HMCN2: variants seen among roughly 807,000 people sequenced by gnomAD.
HMCN2 encodes hemicentin-2.
In HMCN2, 325 loss-of-function variants were observed where a neutral mutation model predicts 377.5. The observed-to-expected ratio is 0.86, with a 90% CI of 0.79 to 0.94. HMCN2 has a LOEUF of 0.94. Ranked by LOEUF, HMCN2 falls within the 40% of genes least tolerant of loss-of-function variation. HMCN2 has a pLI of 0.00. For synonymous variants in HMCN2, 2,007 were observed against 2,046.8 expected (o/e 0.98, Z 0.53); for missense variants, 4,543 against 4,725.3 (o/e 0.96, Z 1.13).
Position 130,371,026 on chromosome 9 carries a change from C to T in HMCN2, c.7132C>T (p.Pro2378Ser). The change falls in exon 46 of 98, where the codon CCC becomes TCC. Residue 2378 changes from proline to serine, a missense_variant. Coordinates refer to ENST00000683500, the MANE Select transcript of HMCN2 (RefSeq NM_001291815.2). ...CAACATCACTGCTGCCTTGCACAGCCCCTTAACTCTGCTCTGTGAAGCCAT... is the reference window on the plus strand; with the variant it reads ...CAACATCACTGCTGCCTTGCACAGCTCCTTAACTCTGCTCTGTGAAGCCAT... ...LTNITAALHS[P>S]LTLLCEAMGI... 1 of 985,952 alleles carries T rather than the reference C, an allele frequency of 1.0e-6. No homozygotes were observed. Among genetic ancestry groups the T allele is most frequent in the Non-Finnish European group, 1.2e-6 (1 of 830,026 alleles). The allele number at this position is 985,952 out of a possible 1,614,324, so 61.1% of individuals were successfully genotyped here. A position where few individuals can be genotyped will look rare whatever the true frequency, so the allele number is the denominator to read the frequency against.
chr9:130,281,539 A>C (rs1554925705), intron 1 of HMCN2, among the ~76,000 whole-genome samples: 2 of 152,072 alleles, frequency 1.3e-5, no homozygotes, highest in East Asian at 3.9e-4. Flanking sequence ...TGGAGGTTGC[A>C]GTGAGCCAGG....
At chr9:130,342,988 T>C (rs1839141680) in intron 25 of HMCN2, among the ~76,000 whole-genome samples, 1 of 152,208 alleles carries the variant, frequency 6.6e-6, no homozygotes, top group East Asian at 1.9e-4. Context: ...CAGGACAGTT[T>C]CTATCTCCTT....
intron 54 of HMCN2, among the ~76,000 whole-genome samples, chr9:130,381,191 A>G (rs952124248): frequency 6.6e-6 from 1 of 152,054 alleles, no homozygotes; most frequent in Non-Finnish European, 1.5e-5. Flanking sequence ...ACTGACCCCT[A>G]CAATGCCACT....
At chr9:130,420,793 T>C (rs2131795919) in intron 86 of HMCN2, among the ~76,000 whole-genome samples, 1 of 152,280 alleles carries the variant, frequency 6.6e-6, no homozygotes, top group Middle Eastern at 3.4e-3. Flanking sequence ...TGACTTACTC[T>C]ATAAAGACCC....
intron 96 of HMCN2, among the ~76,000 whole-genome samples, chr9:130,431,840 G>A (rs544783338): frequency 6.6e-6 from 1 of 152,342 alleles, no homozygotes; most frequent in South Asian, 2.1e-4. Context: ...AGATAGCTGG[G>A]ATGAGAGCTG....
At chr9:130,363,894 A>T (rs7023641) in intron 40 of HMCN2, among the ~76,000 whole-genome samples, 52,990 of 124,496 alleles carry the variant, frequency 0.43, 10,325 homozygotes, top group East Asian at 0.58. Flanking sequence ...GGAAGGAAGG[A>T]GAGAGGGAGA....
chr9:130,397,796 T>C (rs977112075), intron 74 of HMCN2, 141 bp downstream of exon 74: 3 of 716,064 alleles, frequency 4.2e-6, no homozygotes, highest in Non-Finnish European at 3.9e-6. Context: ...TAGTAAAAAG[T>C]TGTGATCATG....
At position 130,393,755 on chromosome 9, in the gene HMCN2, G is replaced by C; in HGVS notation, c.10248G>C (p.Leu3416=). ...FTLQVQVPPV[L]EPVEFQNDVV... The stretch of plus-strand genomic sequence containing the variant: ...TGCCCTCCATAGTGCCCCCTGTCCT[G>C]GAGCCGGTGGAGTTCCAGAATGACG... The change falls in exon 68 of 98, where the codon CTG becomes CTC. Residue 3416 remains leucine (L), a synonymous_variant. Coordinates refer to ENST00000683500, the MANE Select transcript of HMCN2 (RefSeq NM_001291815.2). This position sits in a 1 kb window ranked among gnomAD's most constrained non-coding sequence, Gnocchi z 5.2. The C allele has an allele frequency of 7.9e-7, 1 of 1,263,516 alleles. No homozygotes were observed. Among genetic ancestry groups the C allele is most frequent in the South Asian group, 1.3e-5 (1 of 75,930 alleles). 78.3% of individuals were successfully genotyped at this position (1,263,516 alleles called of 1,614,324 possible).
Position 130,351,295 on chromosome 9 carries a change from T to A in HMCN2, c.4431-128T>A, listed in dbSNP as rs758274061. Reference sequence around the variant, plus strand: ...TTCCTCGCTTACTGGGCCTTTGCATTGCTCCCACCTCTTGGCGCTAATGAA... The same window carrying A: ...TTCCTCGCTTACTGGGCCTTTGCATAGCTCCCACCTCTTGGCGCTAATGAA... On this transcript the variant is annotated intron_variant, in intron 29 of 97. Coordinates refer to ENST00000683500, the MANE Select transcript of HMCN2 (RefSeq NM_001291815.2). The surrounding 1 kb of genome is among the most constrained non-coding windows in gnomAD (Gnocchi z 5.4). 8.0e-5 allele frequency: 46 copies of A among 577,370 alleles called. No homozygotes were observed. The highest frequency in any genetic ancestry group is 1.0e-4 in the Non-Finnish European group (41 of 391,802). 35.8% of individuals were successfully genotyped at this position (577,370 alleles called of 1,614,324 possible).
intron 86 of HMCN2, among the ~76,000 whole-genome samples, chr9:130,421,324 G>A (rs1372021354): frequency 6.6e-6 from 1 of 152,220 alleles, no homozygotes; most frequent in African/African-American, 2.4e-5. Context: ...GTATCTTTGT[G>A]TGTGGCCCTG....
rs1279348154 is a variant in HMCN2 at position 130,395,063 on chromosome 9, A to G, written c.10729A>G (p.Ser3577Gly). Residue 3577 changes from serine to glycine, a missense_variant, in exon 70 of 98, where the codon AGC (serine) becomes GGC (glycine). Physicochemically the swap from Ser to Gly is moderately conservative, Grantham distance 56. Coordinates refer to ENST00000683500, the MANE Select transcript of HMCN2 (RefSeq NM_001291815.2). ...TGGGCTGTACACTTGTCTGGCTGAAAGCCCTGCAGGTGCAATTGAGAAGAG... is the reference window on the plus strand; with the variant it reads ...TGGGCTGTACACTTGTCTGGCTGAAGGCCCTGCAGGTGCAATTGAGAAGAG... ...DAGLYTCLAE[S>G]PAGAIEKSFR... is the part of the protein sequence containing the mutation. The G allele has an allele frequency of 3.1e-6, 4 of 1,273,750 alleles. No individual in the cohort carries two copies. In the African/African-American group the frequency reaches 6.5e-5, roughly 21 times the overall value. 78.9% of individuals were successfully genotyped at this position (1,273,750 alleles called of 1,614,324 possible).
Position 130,384,808 on chromosome 9 carries a change from T to G in HMCN2, c.9106+10T>G. Reference sequence around the variant, plus strand: ...CAGCTCAGTGTTCTGGGTATGTCCATGTCTGTCCCCAACTTGTACTGTCCC... The same window carrying G: ...CAGCTCAGTGTTCTGGGTATGTCCAGGTCTGTCCCCAACTTGTACTGTCCC... On this transcript the variant is annotated intron_variant, in intron 59 of 97. Transcript: ENST00000683500. 7.7e-7 allele frequency: 1 copy of G among 1,298,458 alleles called. No individual in the cohort carries two copies. The highest frequency in any genetic ancestry group is 1.2e-5 in the South Asian group (1 of 80,918). 80.4% of individuals were successfully genotyped at this position (1,298,458 alleles called of 1,614,324 possible).
chr9:130,404,935 C>G lies in HMCN2; in HGVS notation c.12215C>G (p.Pro4072Arg), dbSNP rs907615314. The G allele has an allele frequency of 7.8e-7, 1 of 1,288,640 alleles. No individual in the cohort carries two copies. The highest frequency in any genetic ancestry group is 2.3e-5 in the Admixed American group (1 of 43,442). 79.8% of individuals were successfully genotyped at this position (1,288,640 alleles called of 1,614,324 possible). A position where few individuals can be genotyped will look rare whatever the true frequency, so the allele number is the denominator to read the frequency against. The change falls in exon 81 of 98, where the codon CCT becomes CGT. Residue 4072 changes from proline (P) to arginine (R), a missense_variant. Physicochemically the swap from Pro to Arg is moderately radical, Grantham distance 103. This residue lies in a region of HMCN2 where 1,073 missense variants were observed against 1,319.5 expected (regional missense o/e 0.81). Transcript: ENST00000683500. Reference sequence around the variant, plus strand: ...ACCGAAGGCTCCCACGCCTTCTTGCCTTGCAAGGCGAGGGGCAGTCCTGAG... The same window carrying G: ...ACCGAAGGCTCCCACGCCTTCTTGCGTTGCAAGGCGAGGGGCAGTCCTGAG... ...STTEGSHAFLPCKARGSPEPN... is the reference protein window; with the variant it reads ...STTEGSHAFLRCKARGSPEPN...
At chr9:130,433,003 A>C (rs1588457946) in intron 97 of HMCN2, 1 of 382,710 alleles carries the variant, frequency 2.6e-6, no homozygotes, top group South Asian at 6.1e-5. Context: ...CGCAGTCTCC[A>C]CCTCCAACCC....
At position 130,395,995 on chromosome 9, in the gene HMCN2, C is replaced by A; in HGVS notation, c.10983C>A (p.Ser3661Arg). 7.8e-7 allele frequency: 1 copy of A among 1,287,590 alleles called. No individual in the cohort carries two copies. The highest frequency in any genetic ancestry group is 1.2e-5 in the South Asian group (1 of 80,930). The allele number at this position is 1,287,590 out of a possible 1,614,324, so 79.8% of individuals were successfully genotyped here. A position where few individuals can be genotyped will look rare whatever the true frequency, so the allele number is the denominator to read the frequency against. Residue 3661 changes from serine (S) to arginine (R), a missense_variant, in exon 72 of 98, where the codon AGC (serine) becomes AGA (arginine). This residue lies in a region of HMCN2 where 1,073 missense variants were observed against 1,319.5 expected (regional missense o/e 0.81). Transcript: ENST00000683500. The stretch of plus-strand genomic sequence containing the variant: ...TGCAGGCCCTGAGCACGGCTGACAG[C>A]GGCGACTACAGCTGCACAGCCCGCA... ...LQLQALSTAD[S>R]GDYSCTARNA...
intron 80 of HMCN2, 24 bp downstream of exon 80, chr9:130,403,899 GT>G (rs1842970069): frequency 7.8e-7 from 1 of 1,283,044 alleles, no homozygotes. Flanking sequence ...CGGGGCCGAG[GT>G]GGGCCCTGGC....
intron 52 of HMCN2, among the ~76,000 whole-genome samples, chr9:130,377,019 G>A (rs892088562): frequency 2.0e-5 from 3 of 151,842 alleles, no homozygotes; most frequent in Admixed American, 6.6e-5. Context: ...GGTTGGTCTC[G>A]CACTCCTGAC....
In HMCN2 at chr9:130,348,970, C is replaced by T; in HGVS notation, c.4156-14C>T. ...ATCCCCTCTTACTGGCTCCCTCTGG[C>T]CTCTCCTACCCAGATTCCTAAGGTG... On this transcript the variant is annotated splice_polypyrimidine_tract_variant and intron_variant, in intron 27 of 97. Coordinates refer to ENST00000683500, the MANE Select transcript of HMCN2 (RefSeq NM_001291815.2). The T allele has an allele frequency of 1.5e-6, 2 of 1,302,562 alleles. No homozygotes were observed. The highest frequency in any genetic ancestry group is 2.0e-6 in the Non-Finnish European group (2 of 987,890). 80.7% of individuals were successfully genotyped at this position (1,302,562 alleles called of 1,614,324 possible).
rs1230735479 is a variant in HMCN2, at chr9:130,351,919, C to T, written c.4585+342C>T. 5.3e-5 allele frequency among the ~76,000 whole-genome samples: 8 copies of T among 152,038 alleles called. No homozygotes were observed. Among genetic ancestry groups the T allele is most frequent in the Admixed American group, 3.3e-4 (5 of 15,272 alleles). On this transcript the variant is annotated intron_variant, in intron 30 of 97. Transcript: ENST00000683500. The surrounding 1 kb of genome is among the most constrained non-coding windows in gnomAD (Gnocchi z 5.4). Reference sequence around the variant, plus strand: ...CTCCCCCTCCCAGATTCAAGTGATTCTCTTGCCTCAGCCTCCCGAGTAGCT... The same window carrying T: ...CTCCCCCTCCCAGATTCAAGTGATTTTCTTGCCTCAGCCTCCCGAGTAGCT...
Sources: allele counts gnomAD v4.1 joint callset (sites outside exome capture counted in the v4.1 genomes callset), GRCh38; gene constraint gnomAD v4.1.1; regional missense constraint gnomAD v4.1.1; non-coding constraint Gnocchi (gnomAD v3.1); transcripts MANE v1.5; gene names NCBI Gene and HGNC (gene_info 2026-07-23, HGNC 2026-07-21).